Variants in RGS6 observed in about 807,000 individuals in gnomAD.
RGS6 encodes regulator of G-protein signaling 6.
Under a neutral mutation model 78.5 loss-of-function variants are expected in RGS6, and 30 were observed. The ratio of observed to expected loss-of-function variants is 0.38; its 90% CI spans 0.29 to 0.52. The LOEUF is 0.52. Ranked by LOEUF, RGS6 falls within the 20% of genes least tolerant of loss-of-function variation. The probability of loss-of-function intolerance (pLI) is 0.85; values close to 1 mark genes in which losing one functional copy is unlikely to be tolerated. For missense variants in RGS6, 495 were observed against 609.7 expected (o/e 0.81, Z 1.98); for synonymous variants, 206 against 206.0 (o/e 1.00, Z 0.00).
At chr14:72,132,652 C>CT (rs939650710) in intron 2 of RGS6, among the ~76,000 whole-genome samples, 12 of 151,510 alleles carry the variant, frequency 7.9e-5, no homozygotes, top group East Asian at 1.9e-4. Flanking sequence ...TTCACACACT[C>CT]TTTTTTTTTA....
At chr14:72,587,207 G>A in the RGS6 span, among the ~76,000 whole-genome samples, 2 of 152,004 alleles carry the variant, frequency 1.3e-5, no homozygotes, top group Non-Finnish European at 2.9e-5. Flanking sequence ...TGCCTTCCTG[G>A]ACTTAAAGAC....
chr14:72,120,307 T>C (rs772578802), intron 2 of RGS6, among the ~76,000 whole-genome samples: 1 of 152,232 alleles, frequency 6.6e-6, no homozygotes, highest in Non-Finnish European at 1.5e-5. Flanking sequence ...TCAAATGACA[T>C]CTTACACAAA....
intron 11 of RGS6, among the ~76,000 whole-genome samples, chr14:72,477,509 G>A (rs904065555): frequency 5.3e-5 from 8 of 151,862 alleles, no homozygotes; most frequent in South Asian, 2.1e-4. Flanking sequence ...GCTATTTGGC[G>A]GGGCTCGGGG....
intron 2 of RGS6, among the ~76,000 whole-genome samples, chr14:72,277,818 T>C (rs747119089): frequency 1.3e-5 from 2 of 151,724 alleles, no homozygotes; most frequent in East Asian, 2.0e-4. Context: ...GTCCCAGCTA[T>C]TTGGGAGGCT....
chr14:71,965,371 G>T (rs887540826), intron 2 of RGS6, among the ~76,000 whole-genome samples: 1 of 152,198 alleles, frequency 6.6e-6, no homozygotes, highest in Non-Finnish European at 1.5e-5. Context: ...CAGAGGAGGA[G>T]GCCAGTTCTC....
Position 71,973,895 on chromosome 14 carries a change from C to T in RGS6, c.84+9020C>T, listed in dbSNP as rs575812328. Among the ~76,000 whole-genome samples the T allele has an allele frequency of 1.4e-3, 209 of 152,234 alleles. 1 individual carries two copies. The highest frequency in any genetic ancestry group is 2.6e-3 in the Admixed American group (39 of 15,292). On this transcript the variant is annotated intron_variant, in intron 2 of 17. Transcript: ENST00000553525. ...CAGGAGACAGGCATGCAGGCAAGTC[C>T]CAGACCAGTGGTATCAGTGTCCACA...
chr14:72,268,339 GT>G (rs1294568366), intron 2 of RGS6, among the ~76,000 whole-genome samples: 3 of 152,220 alleles, frequency 2.0e-5, no homozygotes, highest in African/African-American at 7.2e-5. Flanking sequence ...ATTCTGTAAT[GT>G]TTTCTTTCTT....
the RGS6 span, among the ~76,000 whole-genome samples, chr14:71,881,977 A>C: frequency 6.6e-6 from 1 of 152,190 alleles, no homozygotes; most frequent in Non-Finnish European, 1.5e-5. Context: ...TACCATTTTA[A>C]ACCATTTAAG....
At chr14:72,304,397 A>T (rs913801488) in intron 2 of RGS6, among the ~76,000 whole-genome samples, 1 of 152,240 alleles carries the variant, frequency 6.6e-6, no homozygotes, top group East Asian at 1.9e-4. Flanking sequence ...AGAACTCTAT[A>T]GTATGAATAG....
intron 13 of RGS6, among the ~76,000 whole-genome samples, chr14:72,503,122 G>C (rs1206957196): frequency 1.3e-5 from 2 of 152,054 alleles, no homozygotes; most frequent in Non-Finnish European, 2.9e-5. Flanking sequence ...TAAATGTCTG[G>C]GTCCTCACAT....
rs563382073 is a variant in RGS6 at position 72,179,285 on chromosome 14, G to T, written c.85-172810G>T. Reference sequence around the variant, plus strand: ...GAGTGCCTGCCCCAGGTGGGATGGGGCATGCTGGGATTCCTAAAATTCAGC... The same window carrying T: ...GAGTGCCTGCCCCAGGTGGGATGGGTCATGCTGGGATTCCTAAAATTCAGC... On this transcript the variant is annotated intron_variant, in intron 2 of 17. Transcript: ENST00000553525. 1.3e-4 allele frequency among the ~76,000 whole-genome samples: 20 copies of T among 152,252 alleles called. 1 individual carries two copies. In the South Asian group the frequency reaches 4.2e-3, roughly 32 times the overall value.
chr14:72,452,224 T>TTCTCTC (rs56308165), intron 3 of RGS6, among the ~76,000 whole-genome samples: 20,561 of 147,896 alleles, frequency 0.14, 1,569 homozygotes, highest in Middle Eastern at 0.24. Flanking sequence ...CACATATTCA[T>TTCTCTC]TCTCTCTCTC....
chr14:72,024,139 A>G lies in RGS6; in HGVS notation c.84+59264A>G, dbSNP rs535304536. ...TAATTGCTGCCTGGGAGAAGTTGAGAGGCTTTGTAATTCTGCCCTGTCATT... is the reference window on the plus strand; with the variant it reads ...TAATTGCTGCCTGGGAGAAGTTGAGGGGCTTTGTAATTCTGCCCTGTCATT... On this transcript the variant is annotated intron_variant, in intron 2 of 17. Transcript: ENST00000553525. 2.2e-3 allele frequency among the ~76,000 whole-genome samples: 229 copies of G among 105,348 alleles called. 1 individual carries two copies. The highest frequency in any genetic ancestry group is 7.2e-3 in the African/African-American group (213 of 29,486). The allele number at this position is 105,348 out of a possible 152,430, so 69.1% of individuals were successfully genotyped here.
intron 2 of RGS6, among the ~76,000 whole-genome samples, chr14:72,128,045 A>G (rs2096241645): frequency 6.6e-6 from 1 of 152,176 alleles, no homozygotes; most frequent in African/African-American, 2.4e-5. Context: ...TGGATAGACC[A>G]CAGTTTAAAC....
chr14:72,418,571 A>G (rs988375945), intron 3 of RGS6, among the ~76,000 whole-genome samples: 4 of 152,244 alleles, frequency 2.6e-5, no homozygotes, highest in African/African-American at 4.8e-5. Context: ...CTGAAACAAT[A>G]GGACAGCCAG....
intron 2 of RGS6, among the ~76,000 whole-genome samples, chr14:72,266,235 C>T (rs978404903): frequency 2.6e-5 from 4 of 152,158 alleles, no homozygotes; most frequent in African/African-American, 9.7e-5. Flanking sequence ...GGCTGGAAGG[C>T]ATGTTCAGCT....
At chr14:72,608,725 A>T in the RGS6 span, among the ~76,000 whole-genome samples, 1 of 152,144 alleles carries the variant, frequency 6.6e-6, no homozygotes, top group South Asian at 2.1e-4. Flanking sequence ...TGTGCCCATG[A>T]AAGCTGTCAC....
At chr14:71,990,446 GT>G in intron 2 of RGS6, 1 of 368,040 alleles carries the variant, frequency 2.7e-6, no homozygotes, top group Non-Finnish European at 5.4e-6. Context: ...ATCTTCCAAG[GT>G]TTGTGTCCTT....
At chr14:72,169,277 A>G (rs2096975451) in intron 2 of RGS6, among the ~76,000 whole-genome samples, 1 of 152,204 alleles carries the variant, frequency 6.6e-6, no homozygotes, top group African/African-American at 2.4e-5. Flanking sequence ...CAAAGGGTAT[A>G]AAAAGTGCTA....
Sources: gnomAD v4.1 joint callset for allele counts (sites outside exome capture counted in the v4.1 genomes callset) on GRCh38, gnomAD v4.1.1 for gene constraint, MANE v1.5 for transcripts, NCBI Gene and HGNC (gene_info 2026-07-23, HGNC 2026-07-21) for gene names.